BIRC6: variants seen among roughly 807,000 people sequenced by gnomAD.
BIRC6 encodes dual E2 ubiquitin-conjugating enzyme/E3 ubiquitin-protein ligase BIRC6.
In BIRC6, 98 loss-of-function variants were observed where a neutral mutation model predicts 503.3. That is an observed-to-expected ratio of 0.19 (90% CI 0.17 to 0.23). The LOEUF (loss-of-function observed/expected upper bound fraction) is 0.23, where lower values mean the gene tolerates loss of function less well. Among genes scored for constraint, BIRC6 ranks in the 10% least tolerant of loss-of-function variants. The probability of loss-of-function intolerance (pLI) is 1.00; values close to 1 mark genes in which losing one functional copy is unlikely to be tolerated. For missense variants in BIRC6, 5,360 were observed against 5,806.0 expected, an observed-to-expected ratio of 0.92 and a Z score of 2.50; for synonymous variants, 2,240 against 2,078.7, an observed-to-expected ratio of 1.08 and a Z score of -2.11.
At chr2:32,575,540 G>A (rs183711299) in intron 66 of BIRC6, among the ~76,000 whole-genome samples, 174 bp downstream of exon 66, 1 of 152,104 alleles carries the variant, frequency 6.6e-6, no homozygotes, top group African/African-American at 2.4e-5. Context: ...CGAGGTGGAT[G>A]GATCACGAGG....
chr2:32,392,031 A>G lies in BIRC6; in HGVS notation c.840-8A>G, dbSNP rs764998594. On this transcript the variant is annotated splice_polypyrimidine_tract_variant and splice_region_variant and intron_variant, in intron 4 of 73. Coordinates refer to ENST00000421745, the MANE Select transcript of BIRC6 (RefSeq NM_016252.4). ...AACTTCAATTACATAAAGTATGTTT[A>G]CTTTTAGATCACTGATGTATAGTGA... 3 of 1,515,144 alleles carry G rather than the reference A, an allele frequency of 2.0e-6. No individual in the cohort carries two copies. The highest frequency in any genetic ancestry group is 2.7e-6 in the Non-Finnish European group (3 of 1,112,902). 93.9% of individuals were successfully genotyped at this position (1,515,144 alleles called of 1,614,324 possible).
chr2:32,538,060 A>G (rs181593048), intron 61 of BIRC6, among the ~76,000 whole-genome samples: 6 of 152,326 alleles, frequency 3.9e-5, no homozygotes, highest in Admixed American at 3.9e-4. Context: ...CACAATATTA[A>G]TAGAATCAAT....
At chr2:32,396,292 T>C (rs550175799) in intron 6 of BIRC6, among the ~76,000 whole-genome samples, 4 of 152,208 alleles carry the variant, frequency 2.6e-5, no homozygotes, top group African/African-American at 9.6e-5. Context: ...GAGATAGGAG[T>C]TACTATCCCA....
At chr2:32,506,425 A>C (rs1397338971) in intron 50 of BIRC6, among the ~76,000 whole-genome samples, 1 of 152,250 alleles carries the variant, frequency 6.6e-6, no homozygotes, top group Non-Finnish European at 1.5e-5. Flanking sequence ...ATAAAGGTAG[A>C]AGGAAAATAT....
rs1487065883 is a variant in BIRC6 at position 32,510,514 on chromosome 2, C to A, written c.10238-12C>A. The A allele has an allele frequency of 1.3e-6, 2 of 1,498,676 alleles. No homozygotes were observed. Among genetic ancestry groups the A allele is most frequent in the East Asian group, 2.3e-5 (1 of 44,094 alleles). The allele number at this position is 1,498,676 out of a possible 1,614,324, so 92.8% of individuals were successfully genotyped here. ...ATTTAGCAAACTTTTTCTTTGGATT[C>A]TTTGTTGCAAGATTTGAATAGTCCT... is the stretch of plus-strand genomic sequence containing the variant. On this transcript the variant is annotated splice_polypyrimidine_tract_variant and intron_variant, in intron 52 of 73. Coordinates refer to ENST00000421745, the MANE Select transcript of BIRC6 (RefSeq NM_016252.4).
rs2050910867 is a variant in BIRC6, at chr2:32,485,708, A to G, written c.7762A>G (p.Thr2588Ala). 6.2e-7 allele frequency: 1 copy of G among 1,613,606 alleles called. No homozygotes were observed. The highest frequency in any genetic ancestry group is 8.5e-7 in the Non-Finnish European group (1 of 1,179,658). The part of the protein sequence containing the change: ...QAELMLKMMS[T>A]LEADSILQAL... Reference sequence around the variant, plus strand: ...AGAACTGATGTTGAAAATGATGTCTACTCTGGAGGCAGATTCCATTTTACA... The same window carrying G: ...AGAACTGATGTTGAAAATGATGTCTGCTCTGGAGGCAGATTCCATTTTACA... Residue 2588 changes from threonine (T) to alanine (A), a missense_variant, in exon 40 of 74, where the codon ACT becomes GCT. Around this residue, in one of 16 missense-constraint regions of BIRC6, gnomAD observed 2,299 missense variants for 2,267.2 expected, o/e 1.01. Transcript: ENST00000421745.
rs181614752 is a variant in BIRC6 at position 32,415,031 on chromosome 2, C to A, written c.1740C>A (p.Thr580=). The A allele has an allele frequency of 6.2e-7, 1 of 1,613,852 alleles. No homozygotes were observed. Among genetic ancestry groups the A allele is most frequent in the African/African-American group, 1.3e-5 (1 of 75,030 alleles). ...GGLLTYKSPA[T]SPISSNSHRS... ...TATTAACATATAAATCTCCTGCTAC[C>A]TCACCCATTAGTAGTAATTCTCACA... is the stretch of plus-strand genomic sequence containing the variant. The change falls in exon 10 of 74, where the codon ACC becomes ACA. Residue 580 remains threonine (T), a synonymous_variant. Transcript: ENST00000421745.
intron 51 of BIRC6, 44 bp downstream of exon 51, chr2:32,508,303 T>TTTTTTG: frequency 7.8e-7 from 1 of 1,274,462 alleles, no homozygotes; most frequent in South Asian, 1.6e-5. Flanking sequence ...TTTTTTTTTT[T>TTTTTTG]GGCATGGTTG....
chr2:32,504,030 GTGTTTGTGTGTGT>G (rs2053511001), intron 49 of BIRC6, among the ~76,000 whole-genome samples: 1 of 113,650 alleles, frequency 8.8e-6, no homozygotes. Flanking sequence ...GGGTGGGGGG[GTGTTTGTGTGTGT>G]GTGTGTGTGT....
At position 32,508,149 on chromosome 2, in the gene BIRC6, A is replaced by C. The variant is rs766464432; in HGVS notation, c.9870A>C (p.Thr3290=). The change falls in exon 51 of 74, where the codon ACA becomes ACC. Residue 3290 remains threonine, a synonymous_variant. Transcript: ENST00000421745. ...LRLHRPRDAS[T]LGLSQIKLLG... ...TACATCGTCCACGGGATGCCAGCACATTAGGCCTTTCACAAATTAAATTAT... is the reference window on the plus strand; with the variant it reads ...TACATCGTCCACGGGATGCCAGCACCTTAGGCCTTTCACAAATTAAATTAT... 46 of 1,613,768 alleles carry C rather than the reference A, an allele frequency of 2.9e-5. No homozygotes were observed. The highest frequency in any genetic ancestry group is 3.8e-5 in the Non-Finnish European group (45 of 1,179,892).
intron 58 of BIRC6, among the ~76,000 whole-genome samples, 184 bp from the exon 59 acceptor site, chr2:32,525,280 A>G (rs1414240242): frequency 6.6e-6 from 1 of 152,192 alleles, no homozygotes; most frequent in African/African-American, 2.4e-5. Context: ...GCAATGCCAA[A>G]ATTATTTATT....
At chr2:32,398,752 A>G (rs993301997) in intron 6 of BIRC6, among the ~76,000 whole-genome samples, 2 of 152,144 alleles carry the variant, frequency 1.3e-5, no homozygotes, top group Non-Finnish European at 2.9e-5. Flanking sequence ...TATAAATAAA[A>G]TTTTATTGAA....
chr2:32,483,454 A>G (rs2050644137), intron 39 of BIRC6, among the ~76,000 whole-genome samples: 1 of 152,176 alleles, frequency 6.6e-6, no homozygotes, highest in Non-Finnish European at 1.5e-5. Flanking sequence ...TTTACAAATC[A>G]GGACATTCTT....
intron 21 of BIRC6, among the ~76,000 whole-genome samples, chr2:32,447,228 C>T (rs1486459132): frequency 2.7e-5 from 4 of 148,108 alleles, no homozygotes; most frequent in East Asian, 2.1e-4. Context: ...TCCACAAAAC[C>T]GCCATTGTCA....
chr2:32,543,679 A>G (rs1260269632), intron 62 of BIRC6, 138 bp downstream of exon 62: 29 of 774,736 alleles, frequency 3.7e-5, no homozygotes, highest in Non-Finnish European at 3.6e-5. Flanking sequence ...GCTCACTTCC[A>G]GTATTAGTTA....
intron 1 of BIRC6, among the ~76,000 whole-genome samples, chr2:32,361,501 C>T (rs750581509): frequency 2.0e-5 from 3 of 152,090 alleles, no homozygotes; most frequent in Non-Finnish European, 2.9e-5. Context: ...TGTTACCATC[C>T]GTGATCTTAG....
intron 72 of BIRC6, among the ~76,000 whole-genome samples, chr2:32,611,119 T>G (rs898243097): frequency 3.3e-5 from 5 of 150,850 alleles, no homozygotes; most frequent in Non-Finnish European, 5.9e-5. Context: ...TTTTTTTTTT[T>G]GTTTGAGATG....
intron 71 of BIRC6, among the ~76,000 whole-genome samples, chr2:32,606,811 G>T (rs915035946): frequency 2.0e-5 from 3 of 152,148 alleles, no homozygotes; most frequent in African/African-American, 7.2e-5. Flanking sequence ...TTCAAAACCA[G>T]CCTGGCCAAC....
intron 6 of BIRC6, among the ~76,000 whole-genome samples, chr2:32,399,880 C>G (rs1309759050): frequency 6.6e-6 from 1 of 151,848 alleles, no homozygotes. Context: ...CTTGAACACC[C>G]AGGCTCGAGG....
Sources: gnomAD v4.1 joint callset for allele counts (sites outside exome capture counted in the v4.1 genomes callset) on GRCh38, gnomAD v4.1.1 for gene constraint, gnomAD v4.1.1 regional missense constraint, MANE v1.5 for transcripts, NCBI Gene and HGNC (gene_info 2026-07-23, HGNC 2026-07-21) for gene names.